Variants in DNAJC1 observed in about 807,000 individuals in gnomAD.
The protein encoded by DNAJC1 is DnaJ heat shock protein family (Hsp40) member C1, also known as dnaJ homolog subfamily C member 1.
In DNAJC1, 58 loss-of-function variants were observed where a neutral mutation model predicts 76.6. The observed-to-expected ratio is 0.76, with a 90% confidence interval of 0.61 to 0.94. The LOEUF (loss-of-function observed/expected upper bound fraction) is 0.94. Among genes scored for constraint, DNAJC1 ranks in the 40% least tolerant of loss-of-function variants. The probability of loss-of-function intolerance (pLI) is 0.00; values close to 1 mark genes in which losing one functional copy is unlikely to be tolerated. For synonymous variants in DNAJC1, 258 were observed against 267.9 expected, an observed-to-expected ratio of 0.96 and a Z score of 0.36; for missense variants, 689 against 677.3, an observed-to-expected ratio of 1.02 and a Z score of -0.19.
rs1324871270 is a variant in DNAJC1 at position 21,869,549 on chromosome 10, C to CG, written c.978+12732dup. 1.3e-5 allele frequency among the ~76,000 whole-genome samples: 2 copies of CG among 152,080 alleles called. 1 individual carries two copies. Among genetic ancestry groups the CG allele is most frequent in the African/African-American group, 4.8e-5 (2 of 41,342 alleles). ...AAACCAAGTTGTAACTCAACCACCT[C>CG]GGGCACCTGTTCTCAGGACCTCCTG... is the stretch of plus-strand genomic sequence containing the variant. On this transcript the variant is annotated intron_variant, in intron 8 of 11. Coordinates refer to ENST00000376980, the MANE Select transcript of DNAJC1 (RefSeq NM_022365.4).
intron 8 of DNAJC1, among the ~76,000 whole-genome samples, chr10:21,835,334 C>T (rs4747438): frequency 0.57 from 87,347 of 151,926 alleles, 26,800 homozygotes; most frequent in East Asian, 0.93. Flanking sequence ...TGTACGTCAC[C>T]ATCATGAAAG....
At chr10:21,991,095 A>G (rs1420453450) in intron 1 of DNAJC1, among the ~76,000 whole-genome samples, 1 of 152,190 alleles carries the variant, frequency 6.6e-6, no homozygotes, top group Non-Finnish European at 1.5e-5. Context: ...AAATCATTTA[A>G]TTAAAGATAC....
intron 7 of DNAJC1, among the ~76,000 whole-genome samples, chr10:21,902,908 T>C (rs2131743239): frequency 6.6e-6 from 1 of 152,198 alleles, no homozygotes; most frequent in South Asian, 2.1e-4. Context: ...CAGGTAAATT[T>C]TGGACTAATT....
chr10:21,863,137 A>AAAAC lies in DNAJC1; in HGVS notation c.978+19141_978+19144dup, dbSNP rs775643771. On this transcript the variant is annotated intron_variant, in intron 8 of 11. Transcript: ENST00000376980. ...ACAAGAGTGAAACTCCGTCTCAGAA[A>AAAAC]AAACAAACAAACAAACAAAAAACCC... 5.3e-5 allele frequency among the ~76,000 whole-genome samples: 8 copies of AAAAC among 152,202 alleles called. No homozygotes were observed. In the East Asian group the frequency reaches 9.6e-4, roughly 18 times the overall value.
chr10:21,900,413 T>C (rs891323883), intron 7 of DNAJC1, among the ~76,000 whole-genome samples: 17 of 151,926 alleles, frequency 1.1e-4, no homozygotes, highest in African/African-American at 3.9e-4. Flanking sequence ...TAAACACTTA[T>C]ATATTCAATT....
intron 3 of DNAJC1, among the ~76,000 whole-genome samples, chr10:21,926,043 C>T (rs1184875325): frequency 6.6e-6 from 1 of 152,232 alleles, no homozygotes; most frequent in East Asian, 1.9e-4. Context: ...CTTCCGCCTC[C>T]GGGGTTCAAG....
chr10:21,888,083 C>A (rs1836396623), intron 7 of DNAJC1, among the ~76,000 whole-genome samples: 1 of 151,978 alleles, frequency 6.6e-6, no homozygotes, highest in African/African-American at 2.4e-5. Flanking sequence ...ATGACATAAA[C>A]AGACACTTTT....
At chr10:21,943,039 T>G (rs1053966818) in intron 1 of DNAJC1, among the ~76,000 whole-genome samples, 1 of 152,006 alleles carries the variant, frequency 6.6e-6, no homozygotes, top group Non-Finnish European at 1.5e-5. Context: ...AAAAAATTTT[T>G]TTTTCAAGAC....
At chr10:21,829,448 C>A (rs1835319851) in intron 8 of DNAJC1, among the ~76,000 whole-genome samples, 2 of 152,208 alleles carry the variant, frequency 1.3e-5, no homozygotes, top group African/African-American at 4.8e-5. Context: ...GATTTCCTGA[C>A]CTCATGATCC....
At chr10:21,825,327 C>T (rs1484712168) in intron 8 of DNAJC1, among the ~76,000 whole-genome samples, 1 of 152,220 alleles carries the variant, frequency 6.6e-6, no homozygotes, top group Non-Finnish European at 1.5e-5. Context: ...CCCTTTGCTT[C>T]TGACTTCTTT....
At chr10:21,918,683 G>A (rs920724161) in intron 6 of DNAJC1, 96 bp downstream of exon 6, 1 of 814,102 alleles carries the variant, frequency 1.2e-6, no homozygotes, top group Non-Finnish European at 2.0e-6. Flanking sequence ...AGCATCCACT[G>A]CATATCAGCA....
chr10:21,853,269 T>C (rs1835783731), intron 8 of DNAJC1, among the ~76,000 whole-genome samples: 1 of 152,234 alleles, frequency 6.6e-6, no homozygotes, highest in Non-Finnish European at 1.5e-5. Flanking sequence ...CTTGGCTTTG[T>C]GTCTTTGCGC....
At chr10:21,860,760 C>A in intron 8 of DNAJC1, 1 of 161,138 alleles carries the variant, frequency 6.2e-6, no homozygotes, top group Non-Finnish European at 1.3e-5. Flanking sequence ...TTCAAGTCTC[C>A]CAACCTTTAG....
chr10:21,780,780 A>C (rs1156237271), intron 9 of DNAJC1, among the ~76,000 whole-genome samples: 1 of 152,222 alleles, frequency 6.6e-6, no homozygotes, highest in East Asian at 1.9e-4. Context: ...TAAATGCTCC[A>C]ATTAAAAGAC....
intron 7 of DNAJC1, among the ~76,000 whole-genome samples, chr10:21,885,757 G>A (rs1056970187): frequency 1.3e-5 from 2 of 152,028 alleles, no homozygotes; most frequent in African/African-American, 2.4e-5. Flanking sequence ...ATGAAATAAA[G>A]GCAGAAATCA....
chr10:21,879,523 C>T (rs540362755), intron 8 of DNAJC1, among the ~76,000 whole-genome samples: 29 of 152,078 alleles, frequency 1.9e-4, no homozygotes, highest in Non-Finnish European at 3.7e-4. Context: ...ACTCAGGAGG[C>T]TGAGACACAA....
chr10:21,927,081 A>C (rs1289303626), intron 3 of DNAJC1, among the ~76,000 whole-genome samples: 2 of 152,216 alleles, frequency 1.3e-5, no homozygotes, highest in Non-Finnish European at 2.9e-5. Context: ...CTCACAGAGA[A>C]ACCAACTAGA....
chr10:21,875,527 A>G (rs2131714339), intron 8 of DNAJC1, among the ~76,000 whole-genome samples: 1 of 152,374 alleles, frequency 6.6e-6, no homozygotes, highest in Non-Finnish European at 1.5e-5. Context: ...GAGATTGGGA[A>G]TGAAACAAGG....
intron 9 of DNAJC1, among the ~76,000 whole-genome samples, chr10:21,776,842 G>C (rs1309542162): frequency 1.3e-5 from 2 of 152,170 alleles, no homozygotes; most frequent in Non-Finnish European, 2.9e-5. Flanking sequence ...TATGCAAAAA[G>C]ACAATTGTGT....
Sources: gnomAD v4.1 joint callset for allele counts (sites outside exome capture counted in the v4.1 genomes callset) on GRCh38, gnomAD v4.1.1 for gene constraint, MANE v1.5 for transcripts, NCBI Gene and HGNC (gene_info 2026-07-23, HGNC 2026-07-21) for gene names.